The following MACROD2 variants were observed in gnomAD, a reference collection of about 807,000 sequenced individuals.
MACROD2 encodes ADP-ribose glycohydrolase MACROD2.
MACROD2 carries 36 observed loss-of-function variants against 70.4 expected under a neutral mutation model. That is an observed-to-expected ratio of 0.51 (90% CI 0.39 to 0.68). MACROD2 has a LOEUF of 0.68. Ranked by LOEUF, MACROD2 falls within the 30% of genes least tolerant of loss-of-function variation. The pLI, the probability that MACROD2 is intolerant of heterozygous loss-of-function variation, is 0.00. For missense variants in MACROD2, 496 were observed against 538.4 expected (o/e 0.92, Z 0.78); for synonymous variants, 172 against 178.8 (o/e 0.96, Z 0.30).
At chr20:15,252,841 A>C (rs1440779961) in intron 6 of MACROD2, among the ~76,000 whole-genome samples, 1 of 152,090 alleles carries the variant, frequency 6.6e-6, no homozygotes, top group Non-Finnish European at 1.5e-5. Context: ...CCACAGACTC[A>C]CCAGAGAAGG....
intron 8 of MACROD2, among the ~76,000 whole-genome samples, chr20:15,712,783 C>T (rs1460648602): frequency 6.6e-6 from 1 of 152,174 alleles, no homozygotes; most frequent in East Asian, 1.9e-4. Flanking sequence ...AGCCCTTTGA[C>T]AATGAAGAAA....
At chr20:15,982,467 G>A (rs979182913) in intron 13 of MACROD2, among the ~76,000 whole-genome samples, 3 of 152,080 alleles carry the variant, frequency 2.0e-5, no homozygotes, top group Non-Finnish European at 4.4e-5. Context: ...GCCATGTGTG[G>A]ACCAGTCAGC....
chr20:15,209,538 C>T (rs1475059802), intron 5 of MACROD2, among the ~76,000 whole-genome samples: 1 of 152,136 alleles, frequency 6.6e-6, no homozygotes, highest in Non-Finnish European at 1.5e-5. Flanking sequence ...TTGTACAATC[C>T]TAGTGTCTCT....
chr20:15,936,688 T>TATATATATATATA (rs11473996), intron 11 of MACROD2, among the ~76,000 whole-genome samples: 4 of 150,582 alleles, frequency 2.7e-5, no homozygotes, highest in Admixed American at 6.7e-5. Context: ...TATATATATA[T>TATATATATATATA]TCATTTTCCA....
At chr20:14,681,395 T>C (rs2070930624) in intron 4 of MACROD2, among the ~76,000 whole-genome samples, 1 of 152,200 alleles carries the variant, frequency 6.6e-6, no homozygotes, top group African/African-American at 2.4e-5. Flanking sequence ...AATTACAGCA[T>C]ATTCAACAAT....
intron 4 of MACROD2, among the ~76,000 whole-genome samples, chr20:14,565,230 C>T (rs530057693): frequency 5.3e-5 from 8 of 151,862 alleles, no homozygotes; most frequent in Non-Finnish European, 1.2e-4. Context: ...TAAAATACTA[C>T]CTATTGGGTA....
intron 2 of MACROD2, among the ~76,000 whole-genome samples, chr20:14,055,479 A>G (rs1481405081): frequency 6.7e-6 from 1 of 148,822 alleles, no homozygotes; most frequent in Non-Finnish European, 1.5e-5. Context: ...CTTTAATGGC[A>G]TTAGGGAAAG....
chr20:15,324,112 A>G (rs1052908457), intron 6 of MACROD2, among the ~76,000 whole-genome samples: 11 of 152,072 alleles, frequency 7.2e-5, no homozygotes, highest in African/African-American at 2.7e-4. Context: ...GTTTGGTTTA[A>G]TTCCTCTAAA....
At chr20:15,708,103 G>A (rs1473852406) in intron 8 of MACROD2, among the ~76,000 whole-genome samples, 5 of 151,906 alleles carry the variant, frequency 3.3e-5, no homozygotes, top group Admixed American at 3.3e-4. Context: ...AATAGTATTG[G>A]AGATTTGAAA....
At chr20:15,811,228 AACAAATTT>A (rs1426017661) in intron 8 of MACROD2, among the ~76,000 whole-genome samples, 2 of 151,864 alleles carry the variant, frequency 1.3e-5, no homozygotes, top group African/African-American at 4.8e-5. Flanking sequence ...AATGAACTCA[AACAAATTT>A]ACAAGAAAAA....
chr20:15,149,054 C>A (rs2076250509), intron 5 of MACROD2, among the ~76,000 whole-genome samples: 1 of 152,002 alleles, frequency 6.6e-6, no homozygotes, highest in Non-Finnish European at 1.5e-5. Flanking sequence ...CTCTACCTAT[C>A]TAGTGAAAGT....
intron 8 of MACROD2, among the ~76,000 whole-genome samples, chr20:15,546,992 G>C (rs2048034189): frequency 6.6e-6 from 1 of 152,262 alleles, no homozygotes; most frequent in African/African-American, 2.4e-5. Context: ...TAGCAAGCCA[G>C]AGAGCTAACA....
intron 5 of MACROD2, among the ~76,000 whole-genome samples, chr20:15,220,009 G>GT (rs542128580): frequency 2.7e-3 from 246 of 91,170 alleles, no homozygotes; most frequent in South Asian, 0.025. Flanking sequence ...TTTTTTTTCT[G>GT]TTTGAGTCTT....
At chr20:14,841,761 G>A (rs2122276007) in intron 5 of MACROD2, among the ~76,000 whole-genome samples, 1 of 152,098 alleles carries the variant, frequency 6.6e-6, no homozygotes, top group South Asian at 2.1e-4. Flanking sequence ...TTATAAGGTG[G>A]TAATGCACCA....
chr20:15,946,339 C>T (rs991218312), intron 12 of MACROD2, among the ~76,000 whole-genome samples: 2 of 152,108 alleles, frequency 1.3e-5, no homozygotes, highest in Non-Finnish European at 2.9e-5. Flanking sequence ...ACCTTTACTC[C>T]ATCCTTCCCT....
At chr20:14,177,348 C>G (rs1428251141) in intron 3 of MACROD2, among the ~76,000 whole-genome samples, 1 of 135,220 alleles carries the variant, frequency 7.4e-6, no homozygotes, top group East Asian at 2.2e-4. Context: ...GTTGCCCAGG[C>G]TTTTGTTGCC....
At chr20:15,171,411 C>T (rs772827201) in intron 5 of MACROD2, among the ~76,000 whole-genome samples, 82 of 150,978 alleles carry the variant, frequency 5.4e-4, no homozygotes, top group Non-Finnish European at 1.1e-3. Flanking sequence ...CTCCATTTCT[C>T]CCCTTCCATC....
intron 3 of MACROD2, among the ~76,000 whole-genome samples, chr20:14,415,139 C>G (rs1363153066): frequency 6.6e-6 from 1 of 152,030 alleles, no homozygotes; most frequent in African/African-American, 2.4e-5. Context: ...TCAATGAATG[C>G]TTAGTTTTTA....
intron 5 of MACROD2, among the ~76,000 whole-genome samples, chr20:14,790,161 GA>G (rs1247331976): frequency 2.6e-5 from 4 of 151,470 alleles, no homozygotes; most frequent in African/African-American, 9.7e-5. Flanking sequence ...TATTTGTTTA[GA>G]AATAAAAACT....
Sources: allele counts gnomAD v4.1 joint callset (sites outside exome capture counted in the v4.1 genomes callset), GRCh38; gene constraint gnomAD v4.1.1; transcripts MANE v1.5; gene names NCBI Gene and HGNC (gene_info 2026-07-23, HGNC 2026-07-21).